The following L3MBTL4 variants were observed in gnomAD, a reference collection of about 807,000 sequenced individuals.
L3MBTL4 encodes L3MBTL histone methyl-lysine binding protein 4.
In L3MBTL4, 70 loss-of-function variants were observed where a neutral mutation model predicts 84.5. The observed-to-expected ratio is 0.83, with a 90% CI of 0.68 to 1.01. The LOEUF (loss-of-function observed/expected upper bound fraction) is 1.01, where lower values mean the gene tolerates loss of function less well. Among genes scored for constraint, L3MBTL4 ranks in the 50% least tolerant of loss-of-function variants. L3MBTL4 has a pLI of 0.00. For synonymous variants in L3MBTL4, 274 were observed against 259.8 expected (o/e 1.05, Z -0.52); for missense variants, 715 against 754.8 (o/e 0.95, Z 0.62).
intron 1 of L3MBTL4, among the ~76,000 whole-genome samples, chr18:6,399,364 G>A (rs7232761): frequency 0.11 from 16,671 of 151,926 alleles, 997 homozygotes; most frequent in African/African-American, 0.14. Context: ...CTGAACCCGG[G>A]AGGCAGAGGT....
chr18:6,168,797 C>A (rs2043814327), intron 13 of L3MBTL4, among the ~76,000 whole-genome samples: 1 of 152,170 alleles, frequency 6.6e-6, no homozygotes, highest in Non-Finnish European at 1.5e-5. Context: ...ACACCAAAAG[C>A]AATGGCAACA....
At chr18:6,145,629 T>A (rs1226802165) in intron 13 of L3MBTL4, among the ~76,000 whole-genome samples, 7 of 151,494 alleles carry the variant, frequency 4.6e-5, no homozygotes, top group Admixed American at 1.3e-4. Flanking sequence ...TAGCATTGGG[T>A]GATAATATCC....
intron 16 of L3MBTL4, among the ~76,000 whole-genome samples, chr18:6,036,150 G>A (rs969736712): frequency 6.6e-6 from 1 of 152,138 alleles, no homozygotes; most frequent in Non-Finnish European, 1.5e-5. Flanking sequence ...TACGATTAGT[G>A]TTTCGGTTTG....
rs2052529669 is a variant in L3MBTL4, at chr18:5,969,533, G to A, written c.1474C>T (p.Leu492Phe). ...EYSVEQAQQV[L>F]HQSVSMSTVS... ...GTGGACATGGACACTGACTGGTGAA[G>A]CACCTGCTGCGCCTGCTCCACCGAG... Residue 492 changes from leucine to phenylalanine, a missense_variant, in exon 17 of 19, where the codon CTT becomes TTT. Leu to Phe is a conservative substitution (Grantham distance 22). Transcript: ENST00000317931. 6.2e-7 allele frequency: 1 copy of A among 1,611,484 alleles called. No homozygotes were observed. The highest frequency in any genetic ancestry group is 1.3e-5 in the African/African-American group (1 of 74,898).
intron 1 of L3MBTL4, among the ~76,000 whole-genome samples, chr18:6,349,253 A>T (rs1382876329): frequency 6.6e-6 from 1 of 152,234 alleles, no homozygotes; most frequent in Non-Finnish European, 1.5e-5. Context: ...CCACAGCAGC[A>T]TCATTCTTAA....
chr18:5,966,351 T>C (rs553084), intron 17 of L3MBTL4, among the ~76,000 whole-genome samples: 12,982 of 152,174 alleles, frequency 0.085, 1,702 homozygotes, highest in African/African-American at 0.29. Flanking sequence ...CCAAATTCCC[T>C]GAGGCACAAC....
chr18:6,373,138 A>C (rs1363739232), intron 1 of L3MBTL4, among the ~76,000 whole-genome samples: 2 of 152,202 alleles, frequency 1.3e-5, no homozygotes, highest in African/African-American at 4.8e-5. Flanking sequence ...TTCTCTAAGA[A>C]ATATAATGAG....
chr18:5,985,046 A>C (rs1362761994), intron 16 of L3MBTL4, among the ~76,000 whole-genome samples: 1 of 152,150 alleles, frequency 6.6e-6, no homozygotes, highest in Non-Finnish European at 1.5e-5. Flanking sequence ...ATTTAATGAA[A>C]GCTTGTACCT....
intron 1 of L3MBTL4, among the ~76,000 whole-genome samples, chr18:6,335,406 G>A (rs936712879): frequency 2.0e-5 from 3 of 152,008 alleles, no homozygotes; most frequent in African/African-American, 7.2e-5. Flanking sequence ...TGCTCTTTTA[G>A]AGATAAAAAT....
At chr18:6,266,425 T>TGG (rs2048635568) in intron 4 of L3MBTL4, among the ~76,000 whole-genome samples, 1 of 152,238 alleles carries the variant, frequency 6.6e-6, no homozygotes, top group Non-Finnish European at 1.5e-5. Context: ...GTCCTAATTT[T>TGG]AGCATCTATC....
At chr18:6,395,058 G>C (rs2055213505) in intron 1 of L3MBTL4, 1 of 152,088 alleles carries the variant, frequency 6.6e-6, no homozygotes, top group South Asian at 2.1e-4. Flanking sequence ...ATATTATGAG[G>C]CTGAGTGCAG....
chr18:6,283,926 CAGATTTCTAAAAGGTA>C lies in L3MBTL4; in HGVS notation c.127+17961_127+17976del, dbSNP rs1337258177. ...TCTTCAGAAGGAATAACTAAAAGTT[CAGATTTCTAAAAGGTA>C]AGATTTCTAAAAGACAAAACCACAG... On this transcript the variant is annotated intron_variant, in intron 4 of 18. Coordinates refer to ENST00000317931, the MANE Select transcript of L3MBTL4 (RefSeq NM_001330559.2). Among the ~76,000 whole-genome samples, 11 of 152,330 alleles carry C rather than the reference CAGATTTCTAAAAGGTA, an allele frequency of 7.2e-5. No homozygotes were observed. In the East Asian group the frequency reaches 1.5e-3, roughly 21 times the overall value.
At chr18:6,146,116 G>A (rs889485814) in intron 13 of L3MBTL4, among the ~76,000 whole-genome samples, 8 of 152,244 alleles carry the variant, frequency 5.3e-5, no homozygotes, top group Non-Finnish European at 7.3e-5. Context: ...ATGAGACGGC[G>A]TGGGCCAAAG....
chr18:6,287,830 C>T (rs1009860573), intron 4 of L3MBTL4, among the ~76,000 whole-genome samples: 8 of 152,078 alleles, frequency 5.3e-5, no homozygotes, highest in African/African-American at 1.7e-4. Context: ...ATAAGATTAC[C>T]TATTTAAATA....
rs745640564 is a variant in L3MBTL4 at position 6,213,137 on chromosome 18, T to C, written c.981+12A>G. On this transcript the variant is annotated intron_variant, in intron 12 of 18. Coordinates refer to ENST00000317931, the MANE Select transcript of L3MBTL4 (RefSeq NM_001330559.2). ...ATATTGATATAATAACATAATAATT[T>C]AAAATATGTACCTTTACTCTTTGGT... The C allele has an allele frequency of 7.0e-7, 1 of 1,437,846 alleles. No individual in the cohort carries two copies. The highest frequency in any genetic ancestry group is 1.3e-5 in the South Asian group (1 of 77,144). The allele number at this position is 1,437,846 out of a possible 1,614,324, so 89.1% of individuals were successfully genotyped here.
rs138372104 is a variant in L3MBTL4 at position 6,213,175 on chromosome 18, C to A, written c.955G>T (p.Val319Leu). 1 of 1,599,854 alleles carries A rather than the reference C, an allele frequency of 6.3e-7. No individual in the cohort carries two copies. Among genetic ancestry groups the A allele is most frequent in the Non-Finnish European group, 8.5e-7 (1 of 1,173,652 alleles). Residue 319 changes from valine to leucine, a missense_variant, in exon 12 of 19, where the codon GTA becomes TTA. By Grantham distance (32) the Val-to-Leu change is conservative (BLOSUM62 1). Coordinates refer to ENST00000317931, the MANE Select transcript of L3MBTL4 (RefSeq NM_001330559.2). ...TTTACTCTTTGGTCATCAACATCTA[C>A]AATCGTAGCAACACGAATTAACCTG... is the stretch of plus-strand genomic sequence containing the variant. ...NPRLIRVATI[V>L]DVDDQRVKVH...
intron 1 of L3MBTL4, among the ~76,000 whole-genome samples, chr18:6,362,631 TACTGCCAGTATCTGCACCC>T (rs1156750195): frequency 5.3e-4 from 81 of 152,344 alleles, no homozygotes; most frequent in African/African-American, 1.9e-3. Context: ...CAAGAAATGA[TACTGCCAGTATCTGCACCC>T]AAGTATCTCT....
intron 1 of L3MBTL4, among the ~76,000 whole-genome samples, chr18:6,353,672 T>A (rs943847510): frequency 2.6e-5 from 4 of 152,052 alleles, no homozygotes; most frequent in African/African-American, 4.8e-5. Context: ...AGAATTTTTT[T>A]AAAATCCCTT....
At chr18:6,055,590 C>T (rs1434998779) in intron 16 of L3MBTL4, among the ~76,000 whole-genome samples, 1 of 152,206 alleles carries the variant, frequency 6.6e-6, no homozygotes, top group African/African-American at 2.4e-5. Flanking sequence ...AAACAATGCT[C>T]AAACAAGAGT....
Sources: allele counts gnomAD v4.1 joint callset (sites outside exome capture counted in the v4.1 genomes callset), GRCh38; gene constraint gnomAD v4.1.1; transcripts MANE v1.5; gene names NCBI Gene and HGNC (gene_info 2026-07-23, HGNC 2026-07-21).